KLHL8: variants seen among roughly 807,000 people sequenced by gnomAD.
KLHL8 encodes kelch-like protein 8.
KLHL8 carries 38 observed loss-of-function variants against 63.5 expected under a neutral mutation model. That is an observed-to-expected ratio of 0.60 (90% CI 0.46 to 0.78). KLHL8 has a LOEUF of 0.78. Ranked by LOEUF, KLHL8 falls within the 30% of genes least tolerant of loss-of-function variation. The pLI is 0.00. For synonymous variants in KLHL8, 224 were observed against 254.3 expected, an observed-to-expected ratio of 0.88 and a Z score of 1.13; for missense variants, 566 against 752.4, an observed-to-expected ratio of 0.75 and a Z score of 2.90.
At chr4:87,198,888 T>TAGGGG (rs1731804703) in intron 1 of KLHL8, among the ~76,000 whole-genome samples, 1 of 152,238 alleles carries the variant, frequency 6.6e-6, no homozygotes, top group Non-Finnish European at 1.5e-5. Context: ...TAAATGTCCT[T>TAGGGG]AGACAATGTA....
chr4:87,169,359 C>T (rs550063654), intron 8 of KLHL8, among the ~76,000 whole-genome samples: 5 of 152,090 alleles, frequency 3.3e-5, no homozygotes, highest in Non-Finnish European at 5.9e-5. Context: ...ACATAATTTC[C>T]CTTGAAATGA....
At chr4:87,171,894 A>T (rs1730647698) in intron 6 of KLHL8, among the ~76,000 whole-genome samples, 1 of 152,126 alleles carries the variant, frequency 6.6e-6, no homozygotes, top group Non-Finnish European at 1.5e-5. Flanking sequence ...TCAAATATAT[A>T]TTTTCAGACA....
rs1360586297 is a variant in KLHL8 at position 87,187,491 on chromosome 4, CTCA to C, written c.217-1695_217-1693del. Among the ~76,000 whole-genome samples, 3 of 148,844 alleles carry C rather than the reference CTCA, an allele frequency of 2.0e-5. No homozygotes were observed. In the East Asian group the frequency reaches 6.0e-4, roughly 30 times the overall value. On this transcript the variant is annotated intron_variant, in intron 2 of 9. Coordinates refer to ENST00000273963, the MANE Select transcript of KLHL8 (RefSeq NM_020803.5). ...ACTACAAATTTTTTATTTATAAGTACTCATCATATAATCAGAGTATTAGGCATT... is the reference window on the plus strand; with the variant it reads ...ACTACAAATTTTTTATTTATAAGTACTCATATAATCAGAGTATTAGGCATT...
At chr4:87,173,897 T>C (rs1730721966) in intron 6 of KLHL8, among the ~76,000 whole-genome samples, 2 of 8,330 alleles carry the variant, frequency 2.4e-4, no homozygotes, top group Admixed American at 5.2e-3. Context: ...AGTTTAAGAC[T>C]AGCTTTTTTT....
intron 2 of KLHL8, among the ~76,000 whole-genome samples, chr4:87,186,724 C>T (rs988439005): frequency 5.3e-5 from 8 of 152,098 alleles, no homozygotes; most frequent in African/African-American, 1.4e-4. Flanking sequence ...AAGTGATTCA[C>T]GCACTTTGGC....
Position 87,164,498 on chromosome 4 carries a change from T to C in KLHL8, c.1538-419A>G, listed in dbSNP as rs565340151. On this transcript the variant is annotated intron_variant, in intron 8 of 9. Coordinates refer to ENST00000273963, the MANE Select transcript of KLHL8 (RefSeq NM_020803.5). ...AAGAAGGCATAAGAAAGGAATAAAC[T>C]GAATCATGATTCATCCAGATAAAAG... Among the ~76,000 whole-genome samples the C allele has an allele frequency of 7.9e-5, 12 of 152,326 alleles. No individual in the cohort carries two copies. The South Asian group carries it at 2.5e-3, about 32-fold the overall frequency.
intron 9 of KLHL8, 21 bp downstream of exon 9, chr4:87,163,857 C>T (rs748471330): frequency 1.5e-5 from 24 of 1,606,480 alleles, no homozygotes; most frequent in South Asian, 9.9e-5. Context: ...ATATAAAGCA[C>T]GGAGACAACA....
In KLHL8 at chr4:87,170,485, T is replaced by G; in HGVS notation, c.1339A>C (p.Asn447His). 1 of 1,611,686 alleles carries G rather than the reference T, an allele frequency of 6.2e-7. No homozygotes were observed. Residue 447 changes from asparagine (N) to histidine (H), a missense_variant, in exon 7 of 10, where the codon AAT becomes CAT. Asn to His is a moderately conservative substitution (Grantham distance 68). Coordinates refer to ENST00000273963, the MANE Select transcript of KLHL8 (RefSeq NM_020803.5). The part of the protein sequence containing the change: ...SDQWSTVAPM[N>H]TPRGGVGSVA... ...GAGCCAACTCCTCCACGGGGAGTAT[T>G]CATTGGTGCCACTGTACTCCACTGA...
intron 1 of KLHL8, among the ~76,000 whole-genome samples, chr4:87,199,745 C>A (rs2110021789): frequency 6.6e-6 from 1 of 152,022 alleles, no homozygotes. Flanking sequence ...GTAGTCCCAG[C>A]TACTTGGGAG....
intron 1 of KLHL8, among the ~76,000 whole-genome samples, chr4:87,236,369 C>T (rs1369839670): frequency 6.6e-6 from 1 of 151,884 alleles, no homozygotes; most frequent in East Asian, 1.9e-4. Context: ...CCACCATGCC[C>T]GGCAAATTTT....
chr4:87,171,331 A>G (rs1332174662), intron 6 of KLHL8, among the ~76,000 whole-genome samples: 3 of 152,242 alleles, frequency 2.0e-5, no homozygotes, highest in Admixed American at 1.3e-4. Context: ...GAGTTAATAC[A>G]TGTAAAGCAC....
intron 1 of KLHL8, among the ~76,000 whole-genome samples, chr4:87,218,810 C>T (rs1379215635): frequency 6.6e-6 from 1 of 152,182 alleles, no homozygotes; most frequent in East Asian, 1.9e-4. Flanking sequence ...TCTCGGTTCA[C>T]TGCAACCTCC....
At chr4:87,169,371 G>A (rs1459830520) in intron 8 of KLHL8, among the ~76,000 whole-genome samples, 1 of 152,170 alleles carries the variant, frequency 6.6e-6, no homozygotes, top group Admixed American at 6.5e-5. Context: ...TTGAAATGAG[G>A]TTGAGAAAAA....
intron 1 of KLHL8, among the ~76,000 whole-genome samples, chr4:87,199,669 A>C (rs942960525): frequency 1.4e-4 from 22 of 152,106 alleles, no homozygotes; most frequent in African/African-American, 3.6e-4. Context: ...AAAAAACAAA[A>C]AAAAAAAATG....
chr4:87,230,772 C>T (rs536111860), intron 1 of KLHL8, among the ~76,000 whole-genome samples: 1 of 152,322 alleles, frequency 6.6e-6, no homozygotes, highest in Admixed American at 6.5e-5. Flanking sequence ...CTTCTCAATT[C>T]CTGCCCCTCA....
At chr4:87,187,878 T>G (rs972888771) in intron 2 of KLHL8, among the ~76,000 whole-genome samples, 1 of 152,198 alleles carries the variant, frequency 6.6e-6, no homozygotes, top group African/African-American at 2.4e-5. Flanking sequence ...TCATGTAGTG[T>G]TTTGATTATA....
At chr4:87,165,637 T>G (rs1305085006) in intron 8 of KLHL8, among the ~76,000 whole-genome samples, 1 of 151,936 alleles carries the variant, frequency 6.6e-6, no homozygotes, top group Non-Finnish European at 1.5e-5. Flanking sequence ...CCTCAAGTGA[T>G]CCTCCTGCCT....
chr4:87,211,994 CTG>C (rs1300169649), intron 1 of KLHL8, among the ~76,000 whole-genome samples: 1 of 152,112 alleles, frequency 6.6e-6, no homozygotes, highest in Non-Finnish European at 1.5e-5. Flanking sequence ...TACAGCAACA[CTG>C]TCTGCTGAAA....
chr4:87,233,316 C>T (rs1289172176), intron 1 of KLHL8, among the ~76,000 whole-genome samples: 2 of 152,066 alleles, frequency 1.3e-5, no homozygotes, highest in Non-Finnish European at 2.9e-5. Flanking sequence ...TGACCGGGTG[C>T]GTGGCTCATG....
Sources: gnomAD v4.1 joint callset for allele counts (sites outside exome capture counted in the v4.1 genomes callset) on GRCh38, gnomAD v4.1.1 for gene constraint, MANE v1.5 for transcripts, NCBI Gene and HGNC (gene_info 2026-07-23, HGNC 2026-07-21) for gene names.